The following PIEZO2 variants were observed in gnomAD, a reference collection of about 807,000 sequenced individuals.
PIEZO2 encodes piezo type mechanosensitive ion channel component 2.
In PIEZO2, 172 loss-of-function variants were observed where a neutral mutation model predicts 337.3. That is an observed-to-expected ratio of 0.51 (90% CI 0.45 to 0.58). The LOEUF (loss-of-function observed/expected upper bound fraction) is 0.58, where lower values mean the gene tolerates loss of function less well. Among genes scored for constraint, PIEZO2 ranks in the 20% least tolerant of loss-of-function variants. The pLI is 0.00. For missense variants in PIEZO2, 3,028 were observed against 3,391.3 expected, an observed-to-expected ratio of 0.89 and a Z score of 2.66; for synonymous variants, 1,251 against 1,228.5, an observed-to-expected ratio of 1.02 and a Z score of -0.38.
At chr18:11,137,916 C>CT (rs1425607458) in intron 1 of PIEZO2, among the ~76,000 whole-genome samples, 1 of 152,196 alleles carries the variant, frequency 6.6e-6, no homozygotes, top group African/African-American at 2.4e-5. Flanking sequence ...AAGGATGTGA[C>CT]TTAAGTTTTA....
intron 4 of PIEZO2, among the ~76,000 whole-genome samples, chr18:10,892,268 G>A (rs1598640405): frequency 6.6e-6 from 1 of 152,076 alleles, no homozygotes; most frequent in East Asian, 1.9e-4. Context: ...CAATTATTAT[G>A]TATTATTTAT....
chr18:10,965,043 A>G (rs1290573643), intron 3 of PIEZO2, among the ~76,000 whole-genome samples: 2 of 152,138 alleles, frequency 1.3e-5, no homozygotes, highest in Non-Finnish European at 2.9e-5. Context: ...CTATTTATCT[A>G]CTTATTCATG....
At chr18:10,755,651 C>T (rs1454082932) in intron 27 of PIEZO2, among the ~76,000 whole-genome samples, 1 of 152,140 alleles carries the variant, frequency 6.6e-6, no homozygotes, top group Non-Finnish European at 1.5e-5. Flanking sequence ...GGAAACATGG[C>T]CCAGATCAGC....
At chr18:10,776,293 T>C (rs923289403) in intron 18 of PIEZO2, among the ~76,000 whole-genome samples, 3 of 152,130 alleles carry the variant, frequency 2.0e-5, no homozygotes, top group Admixed American at 6.6e-5. Context: ...TTATAGGAGG[T>C]TGTAAAAATT....
rs1448983282 is a variant in PIEZO2 at position 11,143,627 on chromosome 18, A to ACT, written c.64+4897_64+4898insAG. On this transcript the variant is annotated intron_variant, in intron 1 of 55. Coordinates refer to ENST00000674853, the MANE Select transcript of PIEZO2 (RefSeq NM_001378183.1). This position sits in a 1 kb window ranked among gnomAD's most constrained non-coding sequence, Gnocchi z 4.9. ...CACACACACACACACACACACACAC[A>ACT]CACACACACACACTCTCTCTCTCTC... Among the ~76,000 whole-genome samples the ACT allele has an allele frequency of 4.0e-3, 433 of 107,698 alleles. 4 individuals are homozygous for ACT. Among genetic ancestry groups the ACT allele is most frequent in the East Asian group, 0.026 (87 of 3,288 alleles). The allele number at this position is 107,698 out of a possible 152,430, so 70.7% of individuals were successfully genotyped here. A position where few individuals can be genotyped will look rare whatever the true frequency, so the allele number is the denominator to read the frequency against.
chr18:10,812,055 G>A (rs113854125), intron 7 of PIEZO2, among the ~76,000 whole-genome samples: 6 of 152,288 alleles, frequency 3.9e-5, no homozygotes, highest in Middle Eastern at 3.4e-3. Flanking sequence ...GGATGGTCTC[G>A]ATCTCCTGAC....
intron 7 of PIEZO2, among the ~76,000 whole-genome samples, chr18:10,814,384 G>T (rs933850733): frequency 6.6e-6 from 1 of 152,092 alleles, no homozygotes; most frequent in Non-Finnish European, 1.5e-5. Flanking sequence ...AGCATAAAAC[G>T]AATATTTGGG....
At position 10,677,828 on chromosome 18, in the gene PIEZO2, G is replaced by T; in HGVS notation, c.8000C>A (p.Ser2667Tyr). 6.2e-7 allele frequency: 1 copy of T among 1,608,932 alleles called. No individual in the cohort carries two copies. Among genetic ancestry groups the T allele is most frequent in the African/African-American group, 1.3e-5 (1 of 74,670 alleles). Reference sequence around the variant, plus strand: ...TCGAGTAATATTTTTAAGAGGAAAAGAAAGCTTATCTGTTGCTATTTCCGA... The same window carrying T: ...TCGAGTAATATTTTTAAGAGGAAAATAAAGCTTATCTGTTGCTATTTCCGA... ...AKSEIATDKL[S>Y]FPLKNITRKN... Residue 2667 changes from serine (S) to tyrosine (Y), a missense_variant, in exon 53 of 56, where the codon TCT (serine) becomes TAT (tyrosine). By Grantham distance (144) the Ser-to-Tyr change is moderately radical. Transcript: ENST00000674853. The surrounding 1 kb of genome is among the most constrained non-coding windows in gnomAD (Gnocchi z 4.1).
intron 1 of PIEZO2, among the ~76,000 whole-genome samples, chr18:11,085,464 G>A (rs948403482): frequency 6.6e-6 from 1 of 152,024 alleles, no homozygotes; most frequent in African/African-American, 2.4e-5. Context: ...CCTTCCCCCT[G>A]TAACGTATCA....
chr18:11,068,629 A>C (rs2038234521), intron 1 of PIEZO2, among the ~76,000 whole-genome samples: 1 of 152,150 alleles, frequency 6.6e-6, no homozygotes, highest in South Asian at 2.1e-4. Context: ...AGGAACAAGA[A>C]AAAGAAAAGC....
chr18:11,148,676 C>T lies in PIEZO2; in HGVS notation c.-88G>A. ...CGCAAGGCCCATGCCCGTCTATGGC[C>T]TCTCGCCGCCGGCAGCTCGCAGCCA... On this transcript the variant is annotated 5_prime_UTR_variant, in exon 1 of 56. Coordinates refer to ENST00000674853, the MANE Select transcript of PIEZO2 (RefSeq NM_001378183.1). The surrounding 1 kb of genome is among the most constrained non-coding windows in gnomAD (Gnocchi z 5.2). 2 of 1,391,122 alleles carry T rather than the reference C, an allele frequency of 1.4e-6. No homozygotes were observed. Among genetic ancestry groups the T allele is most frequent in the East Asian group, 2.6e-5 (1 of 38,924 alleles). The allele number at this position is 1,391,122 out of a possible 1,614,324, so 86.2% of individuals were successfully genotyped here. A position where few individuals can be genotyped will look rare whatever the true frequency, so the allele number is the denominator to read the frequency against.
intron 35 of PIEZO2, among the ~76,000 whole-genome samples, chr18:10,732,420 A>G (rs1183612101): frequency 1.3e-5 from 2 of 152,222 alleles, no homozygotes; most frequent in African/African-American, 4.8e-5. Context: ...CTTATTCTAT[A>G]GTATTTTCAG....
chr18:10,871,150 A>G (rs892755765), intron 5 of PIEZO2, 103 bp downstream of exon 5: 5 of 1,209,404 alleles, frequency 4.1e-6, no homozygotes, highest in African/African-American at 1.5e-5. Context: ...TGTGAATCAT[A>G]ACGTGCTCTG....
At chr18:11,004,083 C>T (rs1232084523) in intron 2 of PIEZO2, among the ~76,000 whole-genome samples, 2 of 152,170 alleles carry the variant, frequency 1.3e-5, no homozygotes, top group Non-Finnish European at 2.9e-5. Flanking sequence ...TCCCTGACTG[C>T]AGACATTTTC....
intron 1 of PIEZO2, among the ~76,000 whole-genome samples, chr18:11,108,491 G>A (rs1483730608): frequency 6.6e-6 from 1 of 151,896 alleles, no homozygotes; most frequent in African/African-American, 2.4e-5. Flanking sequence ...GCGGGCGCCT[G>A]TAGTCCCAGC....
chr18:10,804,412 A>G (rs1348760318), intron 8 of PIEZO2, among the ~76,000 whole-genome samples: 1 of 152,242 alleles, frequency 6.6e-6, no homozygotes, highest in Non-Finnish European at 1.5e-5. Context: ...TCTAGAGCTC[A>G]CACAGCACTA....
At chr18:10,871,883 T>G (rs1322665661) in intron 4 of PIEZO2, among the ~76,000 whole-genome samples, 2 of 152,196 alleles carry the variant, frequency 1.3e-5, no homozygotes, top group African/African-American at 4.8e-5. Flanking sequence ...CTTGGTTGAT[T>G]TTGTCTTCTG....
rs2037872281 is a variant in PIEZO2, at chr18:11,059,803, T to C, written c.160+6324A>G. On this transcript the variant is annotated intron_variant, in intron 2 of 55. Transcript: ENST00000674853. Reference sequence around the variant, plus strand: ...AGAGACTTAGACTCCCACACAATAATAATGGGAGACTTTAACACCCCACTG... The same window carrying C: ...AGAGACTTAGACTCCCACACAATAACAATGGGAGACTTTAACACCCCACTG... Among the ~76,000 whole-genome samples, 3 of 152,170 alleles carry C rather than the reference T, an allele frequency of 2.0e-5. No homozygotes were observed. The South Asian group carries it at 6.2e-4, about 32-fold the overall frequency.
chr18:11,038,195 G>C lies in PIEZO2; in HGVS notation c.160+27932C>G, dbSNP rs1267165824. Among the ~76,000 whole-genome samples the C allele has an allele frequency of 6.6e-6, 1 of 152,008 alleles. No individual in the cohort carries two copies. The highest frequency in any genetic ancestry group is 2.4e-5 in the African/African-American group (1 of 41,380). On this transcript the variant is annotated intron_variant, in intron 2 of 55. Coordinates refer to ENST00000674853, the MANE Select transcript of PIEZO2 (RefSeq NM_001378183.1). The surrounding 1 kb of genome is among the most constrained non-coding windows in gnomAD (Gnocchi z 4.1). ...CATTTTCTCTAGGTCCTAGTCACCA[G>C]AACCACTATACAGTAACACAGCCAT...
Sources: gnomAD v4.1 joint callset for allele counts (sites outside exome capture counted in the v4.1 genomes callset) on GRCh38, gnomAD v4.1.1 for gene constraint, Gnocchi (gnomAD v3.1) non-coding constraint, MANE v1.5 for transcripts, NCBI Gene and HGNC (gene_info 2026-07-23, HGNC 2026-07-21) for gene names.